The following FRMD4A variants were observed in gnomAD, a reference collection of about 807,000 sequenced individuals.
The protein encoded by FRMD4A is FERM domain-containing protein 4A.
FRMD4A carries 29 observed loss-of-function variants against 129.1 expected under a neutral mutation model. That is an observed-to-expected ratio of 0.22 (90% confidence interval 0.17 to 0.31). The LOEUF is 0.31. Ranked by LOEUF, FRMD4A falls within the 10% of genes least tolerant of loss-of-function variation. The probability of loss-of-function intolerance (pLI) is 1.00; values close to 1 mark genes in which losing one functional copy is unlikely to be tolerated. For missense variants in FRMD4A, 1,272 were observed against 1,375.8 expected (o/e 0.92, Z 1.19); for synonymous variants, 634 against 571.6 (o/e 1.11, Z -1.56).
chr10:13,690,091 G>A lies in FRMD4A; in HGVS notation c.1117+3807C>T, dbSNP rs2085538937. Among the ~76,000 whole-genome samples the A allele has an allele frequency of 2.0e-5, 3 of 152,138 alleles. No homozygotes were observed. In the South Asian group the frequency reaches 6.2e-4, roughly 32 times the overall value. ...AAACAGTTGACCCAACTGGACACTG[G>A]GTTATACATATCACCTTTTCTGAAT... On this transcript the variant is annotated intron_variant, in intron 15 of 24. Coordinates refer to ENST00000357447, the MANE Select transcript of FRMD4A (RefSeq NM_018027.5).
intron 6 of FRMD4A, among the ~76,000 whole-genome samples, chr10:13,777,335 T>C (rs183254885): frequency 1.3e-5 from 1 of 75,850 alleles, no homozygotes. Context: ...AATATCATAG[T>C]ATATATAAAA....
intron 2 of FRMD4A, among the ~76,000 whole-genome samples, chr10:14,212,904 C>T (rs935837286): frequency 8.5e-5 from 13 of 152,156 alleles, no homozygotes; most frequent in Admixed American, 1.3e-4. Flanking sequence ...GTGAAGCCCT[C>T]GGAGAAGTCA....
At chr10:13,683,636 C>T (rs1404864041) in intron 15 of FRMD4A, among the ~76,000 whole-genome samples, 2 of 151,022 alleles carry the variant, frequency 1.3e-5, no homozygotes, top group East Asian at 1.9e-4. Context: ...TAGTAGTTGC[C>T]GTAGAAGGTG....
At chr10:13,931,420 C>T (rs1486315392) in intron 2 of FRMD4A, among the ~76,000 whole-genome samples, 2 of 151,978 alleles carry the variant, frequency 1.3e-5, no homozygotes, top group East Asian at 3.9e-4. Context: ...CATTGCTGTG[C>T]CCCCCGAGGA....
At chr10:14,058,460 G>C (rs2131697993) in intron 2 of FRMD4A, among the ~76,000 whole-genome samples, 1 of 152,262 alleles carries the variant, frequency 6.6e-6, no homozygotes, top group Non-Finnish European at 1.5e-5. Context: ...TGGGAGAGAA[G>C]AAATGTAAAT....
rs528042641 is a variant in FRMD4A, at chr10:13,663,292, A to G, written c.1660+161T>C. Among the ~76,000 whole-genome samples the G allele has an allele frequency of 6.5e-4, 47 of 72,090 alleles. 1 individual carries two copies. Among genetic ancestry groups the G allele is most frequent in the East Asian group, 3.6e-3 (7 of 1,948 alleles). The allele number at this position is 72,090 out of a possible 152,430, so 47.3% of individuals were successfully genotyped here. On this transcript the variant is annotated intron_variant, in intron 19 of 24. Coordinates refer to ENST00000357447, the MANE Select transcript of FRMD4A (RefSeq NM_018027.5). ...TTTATGCAGCACCTACCCACTCCCA[A>G]CCAAAGAGGTGAATACTGGGAAATG...
At chr10:13,946,370 C>T (rs527440021) in intron 2 of FRMD4A, among the ~76,000 whole-genome samples, 9 of 152,248 alleles carry the variant, frequency 5.9e-5, no homozygotes, top group East Asian at 1.9e-4. Flanking sequence ...ACCAAGTCAG[C>T]GAACGCTAGA....
intron 2 of FRMD4A, among the ~76,000 whole-genome samples, chr10:14,188,751 A>G (rs1842226094): frequency 6.6e-6 from 1 of 152,242 alleles, no homozygotes; most frequent in African/African-American, 2.4e-5. Context: ...CGAAAAATCA[A>G]AAAATTAGCT....
chr10:13,892,310 A>T (rs1341191083), intron 2 of FRMD4A, among the ~76,000 whole-genome samples: 1 of 152,032 alleles, frequency 6.6e-6, no homozygotes, highest in African/African-American at 2.4e-5. Flanking sequence ...GATCTAGTCC[A>T]ATTGTATTGA....
chr10:13,904,994 A>AAGAAAAAG (rs1468505024), intron 2 of FRMD4A, among the ~76,000 whole-genome samples: 1 of 129,360 alleles, frequency 7.7e-6, no homozygotes, highest in African/African-American at 2.8e-5. Context: ...CTCTATCTCA[A>AAGAAAAAG]AAAAAAAAAA....
chr10:13,768,603 A>C (rs1162566093), intron 6 of FRMD4A, among the ~76,000 whole-genome samples: 1 of 152,200 alleles, frequency 6.6e-6, no homozygotes, highest in East Asian at 1.9e-4. Flanking sequence ...ACGAATTCTC[A>C]CCAGTTATCA....
chr10:13,749,145 G>A (rs896605429), intron 8 of FRMD4A, among the ~76,000 whole-genome samples: 7 of 152,266 alleles, frequency 4.6e-5, no homozygotes, highest in Middle Eastern at 3.4e-3. Context: ...CTGAAAGAGC[G>A]TTTCCCTATC....
chr10:13,885,003 C>A (rs939970684), intron 2 of FRMD4A, among the ~76,000 whole-genome samples: 3 of 152,208 alleles, frequency 2.0e-5, no homozygotes, highest in African/African-American at 7.2e-5. Flanking sequence ...GATCATATCC[C>A]CCCAAAGTTA....
At chr10:13,731,419 T>C (rs899330200) in intron 12 of FRMD4A, among the ~76,000 whole-genome samples, 1 of 152,042 alleles carries the variant, frequency 6.6e-6, no homozygotes, top group Non-Finnish European at 1.5e-5. Context: ...GAGGCCAAGG[T>C]GGGGGGATCC....
chr10:13,740,891 AT>A (rs2090961815), intron 9 of FRMD4A, among the ~76,000 whole-genome samples: 1 of 129,032 alleles, frequency 7.8e-6, no homozygotes, highest in South Asian at 2.4e-4. Context: ...CAATGGTGCG[AT>A]CTTGGTTCAC....
At chr10:13,761,783 C>T in intron 7 of FRMD4A, 114 bp from the exon 8 acceptor site, 1 of 683,490 alleles carries the variant, frequency 1.5e-6, no homozygotes, top group Non-Finnish European at 2.6e-6. Flanking sequence ...GTTCAGCTTC[C>T]TGCAGTTATC....
intron 2 of FRMD4A, among the ~76,000 whole-genome samples, chr10:13,982,634 C>T (rs2095566431): frequency 6.6e-6 from 1 of 152,178 alleles, no homozygotes; most frequent in Admixed American, 6.5e-5. Flanking sequence ...ACAGACAGGC[C>T]TTACTGGGTC....
chr10:14,270,270 G>A (rs1845119460), intron 2 of FRMD4A, among the ~76,000 whole-genome samples: 1 of 152,154 alleles, frequency 6.6e-6, no homozygotes, highest in Non-Finnish European at 1.5e-5. Context: ...CAATTCCCCT[G>A]ATAAATTCCT....
intron 2 of FRMD4A, among the ~76,000 whole-genome samples, chr10:14,328,597 G>GATATATACATATAGTACAGGATTATA (rs1471982346): frequency 1.3e-5 from 2 of 150,068 alleles, no homozygotes; most frequent in Admixed American, 6.7e-5. Context: ...ATTTCTGTTA[G>GATATATACATATAGTACAGGATTATA]TGTACTAGAT....
Sources: allele counts gnomAD v4.1 joint callset (sites outside exome capture counted in the v4.1 genomes callset), GRCh38; gene constraint gnomAD v4.1.1; transcripts MANE v1.5; gene names NCBI Gene and HGNC (gene_info 2026-07-23, HGNC 2026-07-21).